The following AGBL4 variants were observed in gnomAD, a reference collection of about 807,000 sequenced individuals.
AGBL4 encodes AGBL carboxypeptidase 4.
Under a neutral mutation model 66.4 loss-of-function variants are expected in AGBL4, and 58 were observed. The observed-to-expected ratio is 0.87, with a 90% CI of 0.71 to 1.09. AGBL4 has a LOEUF of 1.09. Ranked by LOEUF, AGBL4 falls within the 50% of genes least tolerant of loss-of-function variation. AGBL4 has a pLI of 0.00. For missense variants in AGBL4, 579 were observed against 631.0 expected (o/e 0.92, Z 0.88); for synonymous variants, 234 against 222.9 (o/e 1.05, Z -0.44).
At chr1:48,884,912 GAGAA>G (rs1182195503) in intron 5 of AGBL4, among the ~76,000 whole-genome samples, 6 of 144,128 alleles carry the variant, frequency 4.2e-5, no homozygotes, top group Non-Finnish European at 6.0e-5. Context: ...AAGAGAGAAA[GAGAA>G]AGAAAGAAAG....
intron 3 of AGBL4, among the ~76,000 whole-genome samples, chr1:49,336,214 C>G (rs961150009): frequency 6.6e-6 from 1 of 151,844 alleles, no homozygotes; most frequent in Non-Finnish European, 1.5e-5. Flanking sequence ...AGACCAAAGC[C>G]CCCCCTGAGA....
At chr1:48,593,547 C>T (rs952945777) in intron 9 of AGBL4, among the ~76,000 whole-genome samples, 3 of 151,892 alleles carry the variant, frequency 2.0e-5, no homozygotes, top group Non-Finnish European at 2.9e-5. Context: ...GTCAGGAGTT[C>T]GAGACCATCC....
chr1:49,858,977 C>A (rs1646499901), intron 1 of AGBL4, among the ~76,000 whole-genome samples: 1 of 151,736 alleles, frequency 6.6e-6, no homozygotes, highest in Non-Finnish European at 1.5e-5. Context: ...GACTGCACTC[C>A]AGCCTGGGCT....
chr1:48,636,080 A>G (rs1200247277), intron 8 of AGBL4, among the ~76,000 whole-genome samples: 2 of 152,244 alleles, frequency 1.3e-5, no homozygotes, highest in Non-Finnish European at 2.9e-5. Context: ...AAATGAACTG[A>G]TGAATACTAT....
intron 3 of AGBL4, among the ~76,000 whole-genome samples, chr1:49,674,305 T>G (rs1646537876): frequency 1.3e-5 from 2 of 151,906 alleles, no homozygotes; most frequent in African/African-American, 2.4e-5. Context: ...ACCTTGCATT[T>G]ATTGGTCATA....
chr1:49,654,316 C>T (rs1646072311), intron 3 of AGBL4, among the ~76,000 whole-genome samples: 1 of 152,172 alleles, frequency 6.6e-6, no homozygotes, highest in African/African-American at 2.4e-5. Flanking sequence ...TGTTCTTTTA[C>T]ATTTGCTGAG....
In AGBL4 at chr1:49,817,759, A is replaced by G. The variant is rs551677205; in HGVS notation, c.157+33637T>C. Among the ~76,000 whole-genome samples the G allele has an allele frequency of 2.6e-5, 4 of 152,200 alleles. No homozygotes were observed. In the South Asian group the frequency reaches 8.3e-4, roughly 32 times the overall value. ...ATGTAAAAGGCTAACATCTAATCCC[A>G]TTTGTAATGCTGATCCAGCAAGAAA... On this transcript the variant is annotated intron_variant, in intron 2 of 13. Transcript: ENST00000371839.
intron 1 of AGBL4, among the ~76,000 whole-genome samples, chr1:49,874,556 A>G (rs1204351926): frequency 6.6e-6 from 1 of 152,156 alleles, no homozygotes; most frequent in Non-Finnish European, 1.5e-5. Flanking sequence ...TGTAAAATTA[A>G]AAGTATAAAT....
chr1:49,942,783 C>A (rs1319331881), intron 1 of AGBL4, among the ~76,000 whole-genome samples: 3 of 152,032 alleles, frequency 2.0e-5, no homozygotes, highest in Non-Finnish European at 4.4e-5. Flanking sequence ...AATTTTTGTA[C>A]ATGGTATCAA....
intron 3 of AGBL4, among the ~76,000 whole-genome samples, chr1:49,267,846 C>T (rs1225508364): frequency 6.6e-6 from 1 of 152,058 alleles, no homozygotes; most frequent in African/African-American, 2.4e-5. Flanking sequence ...AAGGGGAAAT[C>T]TCTTATAAAA....
chr1:48,886,852 C>T (rs563644626), intron 5 of AGBL4, among the ~76,000 whole-genome samples: 4 of 152,244 alleles, frequency 2.6e-5, no homozygotes, highest in East Asian at 1.9e-4. Flanking sequence ...CGCCCAGCCA[C>T]GGTCAGCCAC....
chr1:49,608,857 A>G (rs755340302), intron 3 of AGBL4, among the ~76,000 whole-genome samples: 1 of 152,206 alleles, frequency 6.6e-6, no homozygotes, highest in Non-Finnish European at 1.5e-5. Context: ...TATATTCTTT[A>G]TAGATACTAT....
chr1:49,144,587 C>T (rs75445930), intron 4 of AGBL4, among the ~76,000 whole-genome samples: 6,595 of 152,042 alleles, frequency 0.043, 177 homozygotes, highest in East Asian at 0.073. Flanking sequence ...GCTGCTCCCT[C>T]AGACCTAAGC....
intron 2 of AGBL4, among the ~76,000 whole-genome samples, chr1:49,757,844 C>G (rs1245029526): frequency 6.6e-6 from 1 of 152,138 alleles, no homozygotes; most frequent in Non-Finnish European, 1.5e-5. Context: ...AAGAAAAATC[C>G]ATTTTCTGGG....
intron 2 of AGBL4, chr1:49,845,064 A>C: frequency 1.4e-6 from 2 of 1,454,684 alleles, no homozygotes; most frequent in African/African-American, 2.8e-5. Context: ...CCTATGTAAA[A>C]GAGAAACCCT....
chr1:49,671,042 A>G (rs1380740084), intron 3 of AGBL4, among the ~76,000 whole-genome samples: 1 of 152,198 alleles, frequency 6.6e-6, no homozygotes, highest in Non-Finnish European at 1.5e-5. Context: ...AATTATAAGC[A>G]AAAGAACAAA....
intron 3 of AGBL4, among the ~76,000 whole-genome samples, chr1:49,266,888 G>A (rs963754562): frequency 2.0e-5 from 3 of 152,172 alleles, no homozygotes; most frequent in Admixed American, 6.5e-5. Flanking sequence ...TTAATTGTAG[G>A]TGTGAAAGGT....
rs1298143172 is a variant in AGBL4, at chr1:49,006,971, TCTC to T, written c.594+38610_594+38612del. 5.7e-5 allele frequency among the ~76,000 whole-genome samples: 6 copies of T among 105,320 alleles called. No individual in the cohort carries two copies. In the East Asian group the frequency reaches 1.2e-3, roughly 22 times the overall value. 69.1% of individuals were successfully genotyped at this position (105,320 alleles called of 152,430 possible). The stretch of plus-strand genomic sequence containing the variant: ...TGGAAACTCTAAAAAGCAGAGCGCC[TCTC>T]CTCCTCCAAAGGAACGCAGTTCCTC... On this transcript the variant is annotated intron_variant, in intron 5 of 13. Coordinates refer to ENST00000371839, the MANE Select transcript of AGBL4 (RefSeq NM_032785.4).
chr1:49,120,692 C>T (rs1275027722), intron 4 of AGBL4, among the ~76,000 whole-genome samples: 2 of 152,108 alleles, frequency 1.3e-5, no homozygotes, highest in Admixed American at 1.3e-4. Flanking sequence ...CTTGGGGTTG[C>T]TCTTCTCAAG....
Sources: allele counts gnomAD v4.1 joint callset (sites outside exome capture counted in the v4.1 genomes callset), GRCh38; gene constraint gnomAD v4.1.1; transcripts MANE v1.5; gene names NCBI Gene and HGNC (gene_info 2026-07-23, HGNC 2026-07-21).